The following BABAM2 variants were observed in gnomAD, a reference collection of about 807,000 sequenced individuals.
The protein encoded by BABAM2 is BRISC and BRCA1 A complex member 2.
In BABAM2, 31 loss-of-function variants were observed where a neutral mutation model predicts 54.7. The observed-to-expected ratio is 0.57, with a 90% CI of 0.43 to 0.77. The LOEUF (loss-of-function observed/expected upper bound fraction) is 0.77, where lower values mean the gene tolerates loss of function less well. Ranked by LOEUF, BABAM2 falls within the 30% of genes least tolerant of loss-of-function variation. The pLI, the probability that BABAM2 is intolerant of heterozygous loss-of-function variation, is 0.00. For synonymous variants in BABAM2, 167 were observed against 162.9 expected (o/e 1.03, Z -0.19); for missense variants, 364 against 455.8 (o/e 0.80, Z 1.83).
Position 28,275,927 on chromosome 2 carries a change from G to A in BABAM2, c.935-22411G>A, listed in dbSNP as rs76214919. 4.4e-3 allele frequency among the ~76,000 whole-genome samples: 669 copies of A among 151,382 alleles called. 5 individuals are homozygous for A. Among genetic ancestry groups the A allele is most frequent in the African/African-American group, 0.015 (630 of 41,204 alleles). ...CCCATCACAACCCCTGCCCATGTGA[G>A]AGGTTAGGAGTAAATCATATGTTTT... On this transcript the variant is annotated intron_variant, in intron 10 of 11. Coordinates refer to ENST00000379624, the MANE Select transcript of BABAM2 (RefSeq NM_199191.3).
Position 28,112,197 on chromosome 2 carries a change from C to CCCTCCCTCCCTTCCTTCCTTCCTTCCTT in BABAM2, c.571-17071_571-17070insCCCTCCCTTCCTTCCTTCCTTCCTTCCT, listed in dbSNP as rs1558347424. 9.8e-4 allele frequency among the ~76,000 whole-genome samples: 25 copies of CCCTCCCTCCCTTCCTTCCTTCCTTCCTT among 25,496 alleles called. 2 individuals are homozygous for CCCTCCCTCCCTTCCTTCCTTCCTTCCTT. The highest frequency in any genetic ancestry group is 4.2e-3 in the African/African-American group (22 of 5,238). 16.7% of individuals were successfully genotyped at this position (25,496 alleles called of 152,430 possible). On this transcript the variant is annotated intron_variant, in intron 6 of 11. Transcript: ENST00000379624. ...TCCCTCCCTCCCTCCCTCCCTCCCTCCCTTCCTTCCTTCCTTCCTTCCTTC... is the reference window on the plus strand; with the variant it reads ...TCCCTCCCTCCCTCCCTCCCTCCCTCCCTCCCTCCCTTCCTTCCTTCCTTCCTTCCTTCCTTCCTTCCTTCCTTCCTTC...
intron 7 of BABAM2, among the ~76,000 whole-genome samples, chr2:28,144,166 A>C (rs180949104): frequency 1.8e-4 from 27 of 152,348 alleles, no homozygotes; most frequent in Non-Finnish European, 3.8e-4. Flanking sequence ...AGTGTTTAGC[A>C]TAGTGCCAGG....
Position 27,995,467 on chromosome 2 carries a change from A to G in BABAM2, c.300+7380A>G, listed in dbSNP as rs1673074061. On this transcript the variant is annotated intron_variant, in intron 4 of 11. Transcript: ENST00000379624. The surrounding 1 kb of genome is among the most constrained non-coding windows in gnomAD (Gnocchi z 4.1). ...CGCTTCATAAACAGGGTAAAGCAGA[A>G]TGGCTTTGGGAGATGAGAGGCAATA... Among the ~76,000 whole-genome samples, 1 of 152,190 alleles carries G rather than the reference A, an allele frequency of 6.6e-6. No homozygotes were observed. The highest frequency in any genetic ancestry group is 1.5e-5 in the Non-Finnish European group (1 of 68,024).
intron 7 of BABAM2, among the ~76,000 whole-genome samples, chr2:28,188,540 C>T (rs1676560884): frequency 1.3e-5 from 2 of 152,146 alleles, no homozygotes; most frequent in South Asian, 2.1e-4. Flanking sequence ...GCCTGTATCC[C>T]GTAAACAGGC....
At chr2:27,907,199 T>C (rs1266533425) in intron 2 of BABAM2, among the ~76,000 whole-genome samples, 2 of 152,184 alleles carry the variant, frequency 1.3e-5, no homozygotes, top group African/African-American at 2.4e-5. Flanking sequence ...TGGCATGTTA[T>C]GAAAGTTAAG....
chr2:28,158,081 G>T (rs1672721131), intron 7 of BABAM2, among the ~76,000 whole-genome samples: 1 of 152,100 alleles, frequency 6.6e-6, no homozygotes, highest in Non-Finnish European at 1.5e-5. Flanking sequence ...GAATGATATT[G>T]ATCACAAATA....
intron 7 of BABAM2, among the ~76,000 whole-genome samples, chr2:28,224,450 A>C (rs1162022991): frequency 6.6e-6 from 1 of 152,238 alleles, no homozygotes; most frequent in Non-Finnish European, 1.5e-5. Flanking sequence ...TGCTGCCAGT[A>C]AAATGAATGT....
intron 11 of BABAM2, among the ~76,000 whole-genome samples, chr2:28,320,154 A>G (rs570247173): frequency 2.6e-5 from 4 of 152,336 alleles, no homozygotes; most frequent in South Asian, 2.1e-4. Context: ...TTCTGCATCT[A>G]TCAGCGGTTC....
chr2:27,893,756 G>A (rs998827327), intron 1 of BABAM2, among the ~76,000 whole-genome samples: 8 of 152,124 alleles, frequency 5.3e-5, no homozygotes, highest in African/African-American at 1.9e-4. Context: ...AGCACTTTGG[G>A]AGGCCATGGT....
At chr2:28,309,702 T>G in intron 11 of BABAM2, 1 of 190,732 alleles carries the variant, frequency 5.2e-6, no homozygotes, top group Non-Finnish European at 1.1e-5. Flanking sequence ...GGCCACCCCA[T>G]TAATGGACTG....
intron 7 of BABAM2, among the ~76,000 whole-genome samples, chr2:28,187,662 ATTTTTTTTTTT>A (rs35839748): frequency 1.0e-5 from 1 of 99,162 alleles, no homozygotes; most frequent in Non-Finnish European, 2.0e-5. Context: ...GAACTTTGGA[ATTTTTTTTTTT>A]TTTTTTTTTT....
At chr2:27,928,492 G>C (rs1055484889) in intron 2 of BABAM2, among the ~76,000 whole-genome samples, 1 of 152,016 alleles carries the variant, frequency 6.6e-6, no homozygotes, top group Non-Finnish European at 1.5e-5. Flanking sequence ...TTGGGGAAAA[G>C]TAATAGTAAA....
intron 7 of BABAM2, among the ~76,000 whole-genome samples, chr2:28,184,285 TCCCCCC>T (rs70956004): frequency 4.9e-5 from 5 of 102,134 alleles, no homozygotes; most frequent in Non-Finnish European, 5.9e-5. Context: ...TCTCTCTCTC[TCCCCCC>T]CTCCCTCTCT....
At chr2:28,288,195 C>T (rs1244283315) in intron 10 of BABAM2, among the ~76,000 whole-genome samples, 2 of 152,154 alleles carry the variant, frequency 1.3e-5, no homozygotes, top group African/African-American at 4.8e-5. Flanking sequence ...GGGAGAAGGA[C>T]TTGGCCTGTG....
At chr2:28,112,124 T>TCTTC (rs1668096892) in intron 6 of BABAM2, among the ~76,000 whole-genome samples, 1 of 13,802 alleles carries the variant, frequency 7.2e-5, no homozygotes, top group Non-Finnish European at 1.4e-4. Context: ...TTTCTTTCTT[T>TCTTC]CTTTCTTTCT....
At chr2:28,076,559 G>A (rs1028288121) in intron 6 of BABAM2, among the ~76,000 whole-genome samples, 1 of 151,736 alleles carries the variant, frequency 6.6e-6, no homozygotes, top group Non-Finnish European at 1.5e-5. Flanking sequence ...GCAGTGGTGC[G>A]GTCTCCGCTC....
chr2:27,894,810 A>G (rs1037495702), intron 2 of BABAM2, 126 bp downstream of exon 2: 2 of 1,102,058 alleles, frequency 1.8e-6, no homozygotes, highest in Non-Finnish European at 1.3e-6. Context: ...TCATCTCATC[A>G]TATGTTGATT....
chr2:28,230,725 A>AG (rs1681307105), intron 7 of BABAM2, among the ~76,000 whole-genome samples: 1 of 151,264 alleles, frequency 6.6e-6, no homozygotes, highest in African/African-American at 2.4e-5. Context: ...CAGGAAAAAA[A>AG]AAAAAAGAAG....
chr2:28,098,655 A>G (rs1666820337), intron 6 of BABAM2, among the ~76,000 whole-genome samples: 1 of 152,240 alleles, frequency 6.6e-6, no homozygotes, highest in South Asian at 2.1e-4. Flanking sequence ...CAGCCAGCAC[A>G]TAAATGGATT....
Sources: gnomAD v4.1 joint callset for allele counts (sites outside exome capture counted in the v4.1 genomes callset) on GRCh38, gnomAD v4.1.1 for gene constraint, Gnocchi (gnomAD v3.1) non-coding constraint, MANE v1.5 for transcripts, NCBI Gene and HGNC (gene_info 2026-07-23, HGNC 2026-07-21) for gene names.